RIGI: variants seen among roughly 807,000 people sequenced by gnomAD.
The protein encoded by RIGI is antiviral innate immune response receptor RIG-I.
the RIGI span, among the ~76,000 whole-genome samples, chr9:32,504,019 G>A: frequency 1.3e-4 from 11 of 87,186 alleles, no homozygotes; most frequent in African/African-American, 4.3e-4. Context: ...TCCAGCCTGG[G>A]TAATAGAGCA....
chr9:32,465,370 A>C, the RIGI span, among the ~76,000 whole-genome samples: 1 of 152,236 alleles, frequency 6.6e-6, no homozygotes, highest in African/African-American at 2.4e-5. Context: ...TTTGGAGCAC[A>C]GAGATTATGA....
At chr9:32,500,797 GA>G in the RIGI span, 1 of 1,609,860 alleles carries the variant, frequency 6.2e-7, no homozygotes, top group East Asian at 2.2e-5. Context: ...TAAAAAGAAT[GA>G]ACTAACCTGC....
chr9:32,524,579 C>CT, the RIGI span, among the ~76,000 whole-genome samples: 2,018 of 86,704 alleles, frequency 0.023, 73 homozygotes, highest in African/African-American at 0.081. Flanking sequence ...CTCTCATCGA[C>CT]TTTTTTTTGT....
At chr9:32,463,643 C>T in the RIGI span, among the ~76,000 whole-genome samples, 4 of 151,940 alleles carry the variant, frequency 2.6e-5, no homozygotes, top group Admixed American at 2.6e-4. Context: ...AAATCAATAA[C>T]TGGGTAAAGA....
At chr9:32,488,888 CT>C in the RIGI span, 1 of 1,594,408 alleles carries the variant, frequency 6.3e-7, no homozygotes, top group East Asian at 2.2e-5. Flanking sequence ...TTTCCACAAC[CT>C]TTTAACATGT....
chr9:32,470,726 T>C, the RIGI span, among the ~76,000 whole-genome samples: 1 of 152,242 alleles, frequency 6.6e-6, no homozygotes, highest in South Asian at 2.1e-4. Flanking sequence ...TATACAAATT[T>C]AGCAAACTGA....
the RIGI span, among the ~76,000 whole-genome samples, chr9:32,509,194 C>T: frequency 6.6e-6 from 1 of 152,224 alleles, no homozygotes; most frequent in African/African-American, 2.4e-5. Context: ...TTAAATGTTG[C>T]TGCCTGCTGG....
the RIGI span, among the ~76,000 whole-genome samples, chr9:32,479,995 GT>G: frequency 6.6e-6 from 1 of 152,014 alleles, no homozygotes; most frequent in Non-Finnish European, 1.5e-5. Context: ...TGCAAATCTT[GT>G]TTTTCCTTCT....
At chr9:32,523,680 A>T in the RIGI span, among the ~76,000 whole-genome samples, 1 of 150,418 alleles carries the variant, frequency 6.6e-6, no homozygotes, top group Admixed American at 6.6e-5. Context: ...CAGTTTTTCC[A>T]CTCTGCTGTC....
the RIGI span, chr9:32,498,285 G>A: frequency 2.2e-6 from 1 of 456,478 alleles, no homozygotes; most frequent in Non-Finnish European, 4.4e-6. Flanking sequence ...TTTGAACATG[G>A]GTCCCATAGA....
the RIGI span, among the ~76,000 whole-genome samples, chr9:32,486,930 G>C: frequency 3.9e-5 from 6 of 152,300 alleles, no homozygotes; most frequent in South Asian, 6.2e-4. Context: ...ATACTACTCA[G>C]AGAGCAAGGG....
the RIGI span, among the ~76,000 whole-genome samples, chr9:32,518,019 T>C: frequency 6.6e-6 from 1 of 152,198 alleles, no homozygotes; most frequent in African/African-American, 2.4e-5. Context: ...TATAAAATAC[T>C]AATATCTGCT....
chr9:32,469,241 CTT>C, the RIGI span, among the ~76,000 whole-genome samples: 30 of 152,170 alleles, frequency 2.0e-4, no homozygotes, highest in African/African-American at 5.8e-4. Context: ...TGAGCTATAA[CTT>C]TTATTTTGCC....
chr9:32,508,367 C>T, the RIGI span, among the ~76,000 whole-genome samples: 41 of 149,914 alleles, frequency 2.7e-4, no homozygotes, highest in African/African-American at 9.6e-4. Context: ...ACACAGAAGG[C>T]GGGTGATTTC....
At chr9:32,495,139 A>G in the RIGI span, among the ~76,000 whole-genome samples, 1 of 152,188 alleles carries the variant, frequency 6.6e-6, no homozygotes, top group Non-Finnish European at 1.5e-5. Flanking sequence ...TTACAATCCT[A>G]CCAATCAGGC....
chr9:32,516,869 TGAGA>T, the RIGI span, among the ~76,000 whole-genome samples: 1 of 152,136 alleles, frequency 6.6e-6, no homozygotes, highest in African/African-American at 2.4e-5. Context: ...AAAGCCCGAT[TGAGA>T]GAGAAAAGCA....
At chr9:32,465,329 A>T in the RIGI span, among the ~76,000 whole-genome samples, 1 of 152,196 alleles carries the variant, frequency 6.6e-6, no homozygotes, top group Non-Finnish European at 1.5e-5. Flanking sequence ...ATAAGTGTTA[A>T]TCTGCTTTAG....
chr9:32,524,814 G>C, the RIGI span, among the ~76,000 whole-genome samples: 1 of 152,038 alleles, frequency 6.6e-6, no homozygotes, highest in South Asian at 2.1e-4. Flanking sequence ...TATTGGCCAA[G>C]CTGGTCTCGA....
the RIGI span, among the ~76,000 whole-genome samples, chr9:32,521,139 C>CAATAAAAAAAAAAAA: frequency 3.1e-5 from 1 of 32,776 alleles, no homozygotes; most frequent in Non-Finnish European, 5.6e-5. Context: ...GACACCATCT[C>CAATAAAAAAAAAAAA]AAAAAAAAAA....
Sources: allele counts gnomAD v4.1 joint callset (sites outside exome capture counted in the v4.1 genomes callset), GRCh38; gene constraint gnomAD v4.1.1; transcripts MANE v1.5; gene names NCBI Gene and HGNC (gene_info 2026-07-23, HGNC 2026-07-21).